The following DENND5B variants were observed in gnomAD, a reference collection of about 807,000 sequenced individuals.
The protein encoded by DENND5B is DENN domain-containing protein 5B.
In DENND5B, 34 loss-of-function variants were observed where a neutral mutation model predicts 140.6. The ratio of observed to expected loss-of-function variants is 0.24; its 90% CI spans 0.18 to 0.32. The LOEUF (loss-of-function observed/expected upper bound fraction) is 0.32, where lower values mean the gene tolerates loss of function less well. Ranked by LOEUF, DENND5B falls within the 10% of genes least tolerant of loss-of-function variation. The pLI is 1.00. For synonymous variants in DENND5B, 551 were observed against 562.1 expected (o/e 0.98, Z 0.28); for missense variants, 1,142 against 1,560.2 (o/e 0.73, Z 4.52).
At chr12:31,528,499 T>C (rs1948165203) in intron 1 of DENND5B, among the ~76,000 whole-genome samples, 1 of 152,172 alleles carries the variant, frequency 6.6e-6, no homozygotes, top group South Asian at 2.1e-4. Context: ...TTAATCTACC[T>C]AAGAGGTAAA....
chr12:31,496,324 T>C (rs1280247067), intron 1 of DENND5B, among the ~76,000 whole-genome samples: 2 of 152,182 alleles, frequency 1.3e-5, no homozygotes, highest in African/African-American at 4.8e-5. Context: ...TAGACCCCCA[T>C]GCTACAGTGC....
At chr12:31,523,607 CAAAA>C (rs201384267) in intron 1 of DENND5B, among the ~76,000 whole-genome samples, 5 of 139,422 alleles carry the variant, frequency 3.6e-5, no homozygotes, top group Admixed American at 1.4e-4. Flanking sequence ...TGCTTTTCCT[CAAAA>C]AAAAAAAAGT....
intron 3 of DENND5B, among the ~76,000 whole-genome samples, chr12:31,476,769 A>G (rs1020366139): frequency 1.3e-5 from 2 of 152,160 alleles, no homozygotes; most frequent in South Asian, 4.1e-4. Flanking sequence ...ATTCTGGGCA[A>G]CACAGTGAGA....
rs116105929 is a variant in DENND5B, at chr12:31,518,937, G to A, written c.128-23018C>T. Among the ~76,000 whole-genome samples, 1,392 of 152,264 alleles carry A rather than the reference G, an allele frequency of 9.1e-3. 21 individuals carry two copies. Among genetic ancestry groups the A allele is most frequent in the African/African-American group, 0.032 (1,338 of 41,542 alleles). On this transcript the variant is annotated intron_variant, in intron 1 of 20. Coordinates refer to ENST00000389082, the MANE Select transcript of DENND5B (RefSeq NM_144973.4). ...TAGGGCTAATCAGCATTAAACCTGCGTCAGAAATGTTGCTGAAAGCAGCCC... is the reference window on the plus strand; with the variant it reads ...TAGGGCTAATCAGCATTAAACCTGCATCAGAAATGTTGCTGAAAGCAGCCC...
At chr12:31,415,598 A>C in intron 11 of DENND5B, 150 bp from the exon 12 acceptor site, 1 of 594,348 alleles carries the variant, frequency 1.7e-6, no homozygotes, top group Non-Finnish European at 2.8e-6. Flanking sequence ...TTTAAAGAAA[A>C]TAGGGTCTTG....
intron 7 of DENND5B, among the ~76,000 whole-genome samples, chr12:31,441,617 G>A (rs1193731757): frequency 1.3e-5 from 2 of 152,040 alleles, no homozygotes; most frequent in African/African-American, 4.8e-5. Context: ...AAGTAGCTAG[G>A]GATACAGGCA....
chr12:31,527,684 A>C (rs545434782), intron 1 of DENND5B, among the ~76,000 whole-genome samples: 1 of 152,270 alleles, frequency 6.6e-6, no homozygotes, highest in East Asian at 1.9e-4. Flanking sequence ...AGGCTGAGGC[A>C]GGAGAACTGC....
chr12:31,526,925 G>C (rs1229638671), intron 1 of DENND5B, among the ~76,000 whole-genome samples: 1 of 152,198 alleles, frequency 6.6e-6, no homozygotes, highest in East Asian at 1.9e-4. Context: ...TTAATCTAAA[G>C]TATTTTCATA....
At chr12:31,566,621 A>T (rs1270913328) in intron 1 of DENND5B, among the ~76,000 whole-genome samples, 6 of 152,072 alleles carry the variant, frequency 3.9e-5, no homozygotes, top group African/African-American at 7.2e-5. Flanking sequence ...TTTTTTAAAA[A>T]TTTTTTAAAG....
intron 14 of DENND5B, among the ~76,000 whole-genome samples, chr12:31,404,759 C>T (rs940994058): frequency 5.4e-5 from 4 of 74,064 alleles, no homozygotes; most frequent in East Asian, 4.9e-4. Flanking sequence ...CGACCTCTAG[C>T]TTTTTTTTTT....
chr12:31,556,285 A>G (rs1441003685), intron 1 of DENND5B, among the ~76,000 whole-genome samples: 1 of 151,936 alleles, frequency 6.6e-6, no homozygotes, highest in Non-Finnish European at 1.5e-5. Context: ...GCTCACTGCA[A>G]CCTCCGCCTC....
Position 31,479,565 on chromosome 12 carries a change from A to T in DENND5B, c.904+24T>A, listed in dbSNP as rs1945975218. The T allele has an allele frequency of 2.1e-6, 3 of 1,460,408 alleles. No individual in the cohort carries two copies. The South Asian group carries it at 4.7e-5, about 23-fold the overall frequency. The allele number at this position is 1,460,408 out of a possible 1,614,324, so 90.5% of individuals were successfully genotyped here. On this transcript the variant is annotated intron_variant, in intron 3 of 20. Transcript: ENST00000389082. ...GAGCAAAAGTACTTGTTTTTGGAAA[A>T]TGTAAAATCCAAGGAAAACCTACCT...
At chr12:31,398,405 A>T in intron 16 of DENND5B, 43 bp from the exon 17 acceptor site, 1 of 1,510,214 alleles carries the variant, frequency 6.6e-7, no homozygotes, top group Non-Finnish European at 8.8e-7. Context: ...TATTTTTTTG[A>T]GACAGGGTTC....
At chr12:31,554,074 A>C (rs1472839759) in intron 1 of DENND5B, among the ~76,000 whole-genome samples, 2 of 152,150 alleles carry the variant, frequency 1.3e-5, no homozygotes, top group Non-Finnish European at 2.9e-5. Context: ...TTTAAAGTTA[A>C]TATTGTTATG....
chr12:31,515,299 C>T (rs1022733489), intron 1 of DENND5B, among the ~76,000 whole-genome samples: 1 of 152,110 alleles, frequency 6.6e-6, no homozygotes, highest in Non-Finnish European at 1.5e-5. Context: ...AGTGAGACCC[C>T]ATCTCTAAAT....
chr12:31,560,142 C>T (rs1365339918), intron 1 of DENND5B, among the ~76,000 whole-genome samples: 1 of 152,134 alleles, frequency 6.6e-6, no homozygotes, highest in Non-Finnish European at 1.5e-5. Context: ...CTCTTAACTC[C>T]AGACTCATAC....
chr12:31,518,052 T>C (rs1404000115), intron 1 of DENND5B, among the ~76,000 whole-genome samples: 6 of 152,146 alleles, frequency 3.9e-5, no homozygotes, highest in Non-Finnish European at 8.8e-5. Flanking sequence ...GTCTCTGCAA[T>C]GGGAGCAGTG....
intron 1 of DENND5B, chr12:31,506,203 A>G (rs1260136598): frequency 1.3e-5 from 2 of 152,176 alleles, no homozygotes; most frequent in Non-Finnish European, 2.9e-5. Context: ...GAGATTCACA[A>G]TATCTTTCCT....
chr12:31,521,226 T>C (rs974472596), intron 1 of DENND5B, among the ~76,000 whole-genome samples: 3 of 152,118 alleles, frequency 2.0e-5, no homozygotes, highest in Admixed American at 6.5e-5. Flanking sequence ...ATGTTATATA[T>C]AGTAAGTTCA....
Sources: gnomAD v4.1 joint callset for allele counts (sites outside exome capture counted in the v4.1 genomes callset) on GRCh38, gnomAD v4.1.1 for gene constraint, MANE v1.5 for transcripts, NCBI Gene and HGNC (gene_info 2026-07-23, HGNC 2026-07-21) for gene names.